The following MARCHF6 variants were observed in gnomAD, a reference collection of about 807,000 sequenced individuals.
The protein encoded by MARCHF6 is E3 ubiquitin-protein ligase MARCHF6.
In MARCHF6, 31 loss-of-function variants were observed where a neutral mutation model predicts 133.7. The observed-to-expected ratio is 0.23, with a 90% CI of 0.17 to 0.31. The LOEUF (loss-of-function observed/expected upper bound fraction) is 0.31. MARCHF6 is among the 10% of genes least tolerant of loss of function. The pLI, the probability that MARCHF6 is intolerant of heterozygous loss-of-function variation, is 1.00. For missense variants in MARCHF6, 723 were observed against 1,121.6 expected (o/e 0.64, Z 5.08); for synonymous variants, 395 against 402.5 (o/e 0.98, Z 0.22).
intron 1 of MARCHF6, among the ~76,000 whole-genome samples, chr5:10,377,000 C>G (rs967910640): frequency 1.3e-5 from 2 of 152,164 alleles, no homozygotes; most frequent in African/African-American, 4.8e-5. Context: ...AAAGTTATAA[C>G]CAGGGTTCCC....
Position 10,400,830 on chromosome 5 carries a change from A to T in MARCHF6, c.960A>T (p.Gly320=). 1 of 1,611,370 alleles carries T rather than the reference A, an allele frequency of 6.2e-7. No individual in the cohort carries two copies. Among genetic ancestry groups the T allele is most frequent in the South Asian group, 1.1e-5 (1 of 91,036 alleles). ...GTCATTTCTCCCTTGTTGGTTTGGG[A>T]TTTGAAGAACACGTGAGTATAATAC... ...HIGHFSLVGL[G]FEEHVQASHF... The change falls in exon 11 of 26, where the codon GGA becomes GGT. Residue 320 remains glycine (G), a synonymous_variant. Coordinates refer to ENST00000274140, the MANE Select transcript of MARCHF6 (RefSeq NM_005885.4).
intron 7 of MARCHF6, among the ~76,000 whole-genome samples, chr5:10,393,721 C>T (rs980991219): frequency 6.6e-6 from 1 of 152,188 alleles, no homozygotes; most frequent in Non-Finnish European, 1.5e-5. Context: ...TGTCTTTCTA[C>T]TACCCATATC....
At chr5:10,420,847 T>C (rs948257083) in intron 22 of MARCHF6, among the ~76,000 whole-genome samples, 2 of 152,214 alleles carry the variant, frequency 1.3e-5, no homozygotes, top group Non-Finnish European at 2.9e-5. Context: ...TTTTTCTAGA[T>C]AAGATTTATT....
In MARCHF6 at chr5:10,414,519, G is replaced by T. The variant is rs759617118; in HGVS notation, c.1966+17G>T. 1 of 1,592,658 alleles carries T rather than the reference G, an allele frequency of 6.3e-7. No individual in the cohort carries two copies. Among genetic ancestry groups the T allele is most frequent in the Non-Finnish European group, 8.6e-7 (1 of 1,161,068 alleles). On this transcript the variant is annotated intron_variant, in intron 20 of 25. Transcript: ENST00000274140. ...CTTTACCAGGTATGAGCTTGTGCTAGCCTTCAGCTAATAGCATCATTAAGG... is the reference window on the plus strand; with the variant it reads ...CTTTACCAGGTATGAGCTTGTGCTATCCTTCAGCTAATAGCATCATTAAGG...
rs1440283704 is a variant in MARCHF6 at position 10,439,852 on chromosome 5, CT to C, written c.*6169del. On this transcript the variant is annotated 3_prime_UTR_variant, in exon 26 of 26. Transcript: ENST00000274140. ...CATCACCTCTGTGTTCACCCTGCTCCTGCCGTCCTCCCTGCCTCCAAAACAG... is the reference window on the plus strand; with the variant it reads ...CATCACCTCTGTGTTCACCCTGCTCCGCCGTCCTCCCTGCCTCCAAAACAG... The C allele has an allele frequency of 6.6e-6, 1 of 152,546 alleles. No homozygotes were observed. Among genetic ancestry groups the C allele is most frequent in the Non-Finnish European group, 1.5e-5 (1 of 68,174 alleles). 9.4% of individuals were successfully genotyped at this position (152,546 alleles called of 1,614,324 possible). A position where few individuals can be genotyped will look rare whatever the true frequency, so the allele number is the denominator to read the frequency against.
intron 20 of MARCHF6, among the ~76,000 whole-genome samples, chr5:10,415,228 T>A (rs1036750230): frequency 2.6e-5 from 4 of 152,204 alleles, no homozygotes; most frequent in Non-Finnish European, 5.9e-5. Context: ...CCTAAAAGAA[T>A]AAGTAATTGG....
chr5:10,376,202 T>G (rs916644608), intron 1 of MARCHF6, among the ~76,000 whole-genome samples: 10 of 152,312 alleles, frequency 6.6e-5, no homozygotes, highest in Admixed American at 6.5e-4. Context: ...GGGTCCACAC[T>G]GCTTTTATGA....
intron 3 of MARCHF6, among the ~76,000 whole-genome samples, chr5:10,380,833 A>C (rs1027118568): frequency 1.3e-5 from 2 of 151,998 alleles, no homozygotes; most frequent in Non-Finnish European, 2.9e-5. Flanking sequence ...AGCCTGAGGC[A>C]GGAGAATCAC....
chr5:10,389,156 C>G (rs550767829), intron 5 of MARCHF6, among the ~76,000 whole-genome samples: 1 of 152,104 alleles, frequency 6.6e-6, no homozygotes, highest in South Asian at 2.1e-4. Flanking sequence ...TTTCCAATGG[C>G]TAAGAGTCCA....
chr5:10,417,489 A>G (rs926399938), intron 22 of MARCHF6, 85 bp downstream of exon 22: 7 of 1,553,792 alleles, frequency 4.5e-6, no homozygotes, highest in African/African-American at 4.1e-5. Context: ...GCTTACGCCT[A>G]TAATCTAGCA....
In MARCHF6 at chr5:10,406,455, T is replaced by G. The variant is rs1361749038; in HGVS notation, c.1453-647T>G. ...CCCATGTTAGAGTGCGGTGGTATGA[T>G]CTTGGCTCACTGCAACCTTCACCTC... On this transcript the variant is annotated intron_variant, in intron 16 of 25. Transcript: ENST00000274140. Among the ~76,000 whole-genome samples the G allele has an allele frequency of 2.6e-5, 4 of 151,824 alleles. No homozygotes were observed. In the East Asian group the frequency reaches 7.8e-4, roughly 29 times the overall value.
In MARCHF6 at chr5:10,357,483, C is replaced by T. The variant is rs549419946; in HGVS notation, c.19+3566C>T. Among the ~76,000 whole-genome samples, 57 of 151,726 alleles carry T rather than the reference C, an allele frequency of 3.8e-4. 1 individual carries two copies. In the South Asian group the frequency reaches 9.0e-3, roughly 24 times the overall value. ...TTATGCTTTACGGAACATATTCATT[C>T]GAAAAGTGTGAAGCTAAAGAGTATT... is the stretch of plus-strand genomic sequence containing the variant. On this transcript the variant is annotated intron_variant, in intron 1 of 25. Transcript: ENST00000274140.
intron 1 of MARCHF6, chr5:10,354,536 CTGTT>C (rs976931037): frequency 1.2e-4 from 19 of 152,266 alleles, no homozygotes; most frequent in Admixed American, 9.8e-4. Context: ...AAGCAGGGTT[CTGTT>C]TGTTTTGTTT....
In MARCHF6 at chr5:10,435,697, ATTTTTTTTTTTTTTTTTT is replaced by A. The variant is rs60984668; in HGVS notation, c.*2027_*2044del. The A allele has an allele frequency of 1.7e-4, 1 of 5,872 alleles. No homozygotes were observed. The highest frequency in any genetic ancestry group is 3.6e-3 in the East Asian group (1 of 276). The allele number at this position is 5,872 out of a possible 1,614,324, so 0.4% of individuals were successfully genotyped here. On this transcript the variant is annotated 3_prime_UTR_variant, in exon 26 of 26. Coordinates refer to ENST00000274140, the MANE Select transcript of MARCHF6 (RefSeq NM_005885.4). The stretch of plus-strand genomic sequence containing the variant: ...TATATATATATATATATATATATAT[ATTTTTTTTTTTTTTTTTT>A]TTTTTTTTTTTTTGCCCCCGAGACA...
intron 15 of MARCHF6, 130 bp downstream of exon 15, chr5:10,403,671 G>T: frequency 1.3e-6 from 1 of 795,168 alleles, no homozygotes; most frequent in South Asian, 3.0e-5. Flanking sequence ...ATTCTAAGAG[G>T]GAATAACTTA....
At chr5:10,390,637 T>C in intron 6 of MARCHF6, 137 bp downstream of exon 6, 1 of 864,046 alleles carries the variant, frequency 1.2e-6, no homozygotes, top group Non-Finnish European at 1.7e-6. Context: ...AGCGGAAAGG[T>C]TTGGGTGAAG....
chr5:10,424,727 A>G (rs905958888), intron 23 of MARCHF6, among the ~76,000 whole-genome samples: 1 of 152,186 alleles, frequency 6.6e-6, no homozygotes, highest in Admixed American at 6.5e-5. Flanking sequence ...GAGTGGGGGA[A>G]AGGTTATTGC....
chr5:10,433,507 A>G (rs1740468036), intron 25 of MARCHF6, 87 bp from the exon 26 acceptor site: 2 of 1,008,688 alleles, frequency 2.0e-6, no homozygotes, highest in South Asian at 2.7e-5. Context: ...GACGAGTTTT[A>G]AGTAGGAGTT....
At chr5:10,429,744 A>G (rs956953740) in intron 24 of MARCHF6, 149 bp from the exon 25 acceptor site, 3 of 601,154 alleles carry the variant, frequency 5.0e-6, no homozygotes, top group Admixed American at 6.0e-5. Flanking sequence ...GAAAGGGCTC[A>G]TGACCTACAC....
Sources: allele counts gnomAD v4.1 joint callset (sites outside exome capture counted in the v4.1 genomes callset), GRCh38; gene constraint gnomAD v4.1.1; transcripts MANE v1.5; gene names NCBI Gene and HGNC (gene_info 2026-07-23, HGNC 2026-07-21).